SCARA3: variants seen among roughly 807,000 people sequenced by gnomAD.
SCARA3 encodes the protein cellular stress response gene protein.
In SCARA3, 39 loss-of-function variants were observed where a neutral mutation model predicts 47.0. That is an observed-to-expected ratio of 0.83 (90% CI 0.64 to 1.08). The LOEUF is 1.08. Ranked by LOEUF, SCARA3 falls within the 50% of genes least tolerant of loss-of-function variation. The pLI is 0.00. For missense variants in SCARA3, 724 were observed against 792.3 expected (o/e 0.91, Z 1.04); for synonymous variants, 356 against 334.1 (o/e 1.07, Z -0.71).
Position 27,668,306 on chromosome 8 carries a change from C to T in SCARA3, c.1370-2594C>T, listed in dbSNP as rs554000630. Among the ~76,000 whole-genome samples, 17 of 151,236 alleles carry T rather than the reference C, an allele frequency of 1.1e-4. No homozygotes were observed. The East Asian group carries it at 2.5e-3, about 23-fold the overall frequency. ...CTGTAATCCCAGCACTTTGGGAGGC[C>T]GAGGCGGGTGGATCATGAGGTCAGG... is the stretch of plus-strand genomic sequence containing the variant. On this transcript the variant is annotated intron_variant, in intron 5 of 5. Transcript: ENST00000301904.
At chr8:27,727,343 A>C in the SCARA3 span, among the ~76,000 whole-genome samples, 1 of 152,206 alleles carries the variant, frequency 6.6e-6, no homozygotes, top group African/African-American at 2.4e-5. Flanking sequence ...TGTGAGGTGC[A>C]GCACTTCCTG....
intron 1 of SCARA3, among the ~76,000 whole-genome samples, chr8:27,636,757 A>C (rs755939184): frequency 2.0e-5 from 3 of 152,168 alleles, no homozygotes; most frequent in Non-Finnish European, 2.9e-5. Flanking sequence ...ATAACATCAC[A>C]GGGGCTGCAT....
At chr8:27,647,946 A>G (rs779959) in intron 1 of SCARA3, among the ~76,000 whole-genome samples, 50,517 of 151,978 alleles carry the variant, frequency 0.33, 8,624 homozygotes, top group South Asian at 0.47. Flanking sequence ...GGCCTCAGGT[A>G]CTCACAGGTC....
the SCARA3 span, chr8:27,697,252 T>C: frequency 1.4e-5 from 3 of 221,542 alleles, no homozygotes; most frequent in Non-Finnish European, 2.9e-5. Flanking sequence ...AGTGAGAGCA[T>C]GCATGATGAC....
rs1215661033 is a variant in SCARA3, at chr8:27,634,053, C to G, written c.-148C>G. On this transcript the variant is annotated 5_prime_UTR_variant, in exon 1 of 6. Coordinates refer to ENST00000301904, the MANE Select transcript of SCARA3 (RefSeq NM_016240.3). ...CCCGCCGCCTCCGCAGCCCGCGCGC[C>G]GGAGCATGAGTCCCGGCCGGAGCCC... is the stretch of plus-strand genomic sequence containing the variant. The G allele has an allele frequency of 1.6e-5, 9 of 567,224 alleles. No homozygotes were observed. The highest frequency in any genetic ancestry group is 1.4e-4 in the African/African-American group (7 of 51,082). 35.1% of individuals were successfully genotyped at this position (567,224 alleles called of 1,614,324 possible). A position where few individuals can be genotyped will look rare whatever the true frequency, so the allele number is the denominator to read the frequency against.
chr8:27,732,383 C>A, the SCARA3 span, among the ~76,000 whole-genome samples: 1 of 152,298 alleles, frequency 6.6e-6, no homozygotes, highest in Admixed American at 6.5e-5. Flanking sequence ...AGGGCAGAGA[C>A]CAGTTTCTTG....
intron 5 of SCARA3, among the ~76,000 whole-genome samples, chr8:27,663,087 C>G (rs2128922091): frequency 6.6e-6 from 1 of 152,322 alleles, no homozygotes. Flanking sequence ...ACCATCCAGC[C>G]AAACAATTGG....
chr8:27,732,793 A>G, the SCARA3 span, among the ~76,000 whole-genome samples: 3 of 152,262 alleles, frequency 2.0e-5, no homozygotes, highest in Non-Finnish European at 4.4e-5. Flanking sequence ...TAAACATTTA[A>G]GAATTCAAAT....
chr8:27,641,989 G>C (rs1195209012), intron 1 of SCARA3, among the ~76,000 whole-genome samples: 1 of 152,204 alleles, frequency 6.6e-6, no homozygotes, highest in African/African-American at 2.4e-5. Context: ...AGATCTGCAG[G>C]AAGTTCCATG....
At chr8:27,673,260 G>T (rs1366345188), downstream of SCARA3, among the ~76,000 whole-genome samples, 1 of 152,260 alleles carries the variant, frequency 6.6e-6, no homozygotes, top group African/African-American at 2.4e-5. Flanking sequence ...GCATCTTGCA[G>T]CCTGGCCCTG....
chr8:27,675,078 G>A (rs959083227), downstream of SCARA3, among the ~76,000 whole-genome samples: 1 of 152,120 alleles, frequency 6.6e-6, no homozygotes, highest in African/African-American at 2.4e-5. Context: ...CCACAGACCT[G>A]GCTCATGTCC....
the SCARA3 span, chr8:27,702,648 A>ACTGGGGAGGCAGCGG: frequency 2.6e-5 from 4 of 152,402 alleles, 1 homozygote; most frequent in Admixed American, 2.6e-4. Context: ...GGGAGAGGGT[A>ACTGGGGAGGCAGCGG]CTGGGGAGGC....
In SCARA3 at chr8:27,649,697, T is replaced by C. The variant is rs775407771; in HGVS notation, c.8-5T>C. 6.2e-7 allele frequency: 1 copy of C among 1,613,912 alleles called. No homozygotes were observed. Among genetic ancestry groups the C allele is most frequent in the Non-Finnish European group, 8.5e-7 (1 of 1,179,956 alleles). Reference sequence around the variant, plus strand: ...TTGGGTCTGACGGCACTGGCTTCATTATAGTGAGGTCGGCCGGCGGCGATG... The same window carrying C: ...TTGGGTCTGACGGCACTGGCTTCATCATAGTGAGGTCGGCCGGCGGCGATG... On this transcript the variant is annotated splice_region_variant and splice_polypyrimidine_tract_variant and intron_variant, in intron 1 of 5. Transcript: ENST00000301904.
intron 2 of SCARA3, 100 bp from the exon 3 acceptor site, chr8:27,651,408 G>T: frequency 1.4e-6 from 2 of 1,418,892 alleles, no homozygotes; most frequent in Non-Finnish European, 1.9e-6. Flanking sequence ...AGCCTGGTTT[G>T]AATGTGATGA....
At chr8:27,715,586 AGAT>A in the SCARA3 span, among the ~76,000 whole-genome samples, 665 of 35,700 alleles carry the variant, frequency 0.019, no homozygotes, top group African/African-American at 0.068. This position sits in a 1 kb window ranked among gnomAD's most constrained non-coding sequence, Gnocchi z 4.2. Context: ...GCACCTAGAT[AGAT>A]GATAGATAGA....
At chr8:27,706,350 G>A in the SCARA3 span, among the ~76,000 whole-genome samples, 46 of 151,948 alleles carry the variant, frequency 3.0e-4, no homozygotes, top group Admixed American at 9.2e-4. Context: ...ATGGGTTTTC[G>A]CCGTGTTGGC....
the SCARA3 span, among the ~76,000 whole-genome samples, chr8:27,686,586 G>A: frequency 6.6e-6 from 1 of 152,028 alleles, no homozygotes; most frequent in Non-Finnish European, 1.5e-5. Flanking sequence ...GGGGGGCCAG[G>A]CTGCTGGTTC....
chr8:27,703,812 G>GT, the SCARA3 span: 1 of 121,652 alleles, frequency 8.2e-6, no homozygotes, highest in Non-Finnish European at 1.8e-5. Context: ...TTTGTGTGTG[G>GT]TTTTTTGTTT....
Position 27,671,946 on chromosome 8 carries a change from G to T in SCARA3, c.*595G>T, listed in dbSNP as rs1166113499. 2.0e-6 allele frequency: 2 copies of T among 985,276 alleles called. No homozygotes were observed. Among genetic ancestry groups the T allele is most frequent in the Non-Finnish European group, 2.4e-6 (2 of 829,938 alleles). 61.0% of individuals were successfully genotyped at this position (985,276 alleles called of 1,614,324 possible). On this transcript the variant is annotated 3_prime_UTR_variant, in exon 6 of 6. Coordinates refer to ENST00000301904, the MANE Select transcript of SCARA3 (RefSeq NM_016240.3). ...AGCCTGCCAGGGAGGCAGCTACCTC[G>T]GGAGGAAGGTCTCACATCTGTCTCT...
Sources: gnomAD v4.1 joint callset for allele counts (sites outside exome capture counted in the v4.1 genomes callset) on GRCh38, gnomAD v4.1.1 for gene constraint, Gnocchi (gnomAD v3.1) non-coding constraint, MANE v1.5 for transcripts, NCBI Gene and HGNC (gene_info 2026-07-23, HGNC 2026-07-21) for gene names.